The following ITPR1 variants were observed in gnomAD, a reference collection of about 807,000 sequenced individuals.
The protein encoded by ITPR1 is inositol 1,4,5-trisphosphate receptor type 1.
ITPR1 carries 96 observed loss-of-function variants against 318.4 expected under a neutral mutation model. That is an observed-to-expected ratio of 0.30 (90% CI 0.26 to 0.36). The LOEUF is 0.36. ITPR1 is among the 10% of genes least tolerant of loss of function. The probability of loss-of-function intolerance (pLI) is 1.00; values close to 1 mark genes in which losing one functional copy is unlikely to be tolerated. For missense variants in ITPR1, 2,440 were observed against 3,460.2 expected (o/e 0.71, Z 7.40); for synonymous variants, 1,312 against 1,289.9 (o/e 1.02, Z -0.37).
chr3:4,551,525 A>G (rs560963623), intron 4 of ITPR1, among the ~76,000 whole-genome samples: 6 of 152,178 alleles, frequency 3.9e-5, no homozygotes, highest in Non-Finnish European at 8.8e-5. Flanking sequence ...TCCATGTTTT[A>G]ATTATAAAGG....
intron 4 of ITPR1, among the ~76,000 whole-genome samples, chr3:4,623,289 C>T (rs1355131632): frequency 1.3e-5 from 2 of 152,330 alleles, no homozygotes; most frequent in South Asian, 2.1e-4. Flanking sequence ...GCCCACCCAG[C>T]CCCTTAACGC....
chr3:4,606,551 G>A (rs9816389), intron 4 of ITPR1, among the ~76,000 whole-genome samples: 49,687 of 151,704 alleles, frequency 0.33, 8,331 homozygotes, highest in Admixed American at 0.4. Flanking sequence ...ACTTTGGTAT[G>A]TAAAGGGCAA....
At chr3:4,700,089 A>T (rs1172222355) in intron 35 of ITPR1, 148 bp downstream of exon 35, 1 of 672,434 alleles carries the variant, frequency 1.5e-6, no homozygotes, top group Non-Finnish European at 2.4e-6. Context: ...GATAGCTTTG[A>T]TGGGATTTCT....
intron 52 of ITPR1, among the ~76,000 whole-genome samples, chr3:4,792,280 G>C (rs188033790): frequency 6.6e-6 from 1 of 152,340 alleles, no homozygotes; most frequent in African/African-American, 2.4e-5. Flanking sequence ...AGGTTAGGTA[G>C]CACATTCACA....
rs976761033 is a variant in ITPR1 at position 4,522,421 on chromosome 3, C to T, written c.163+1327C>T. Among the ~76,000 whole-genome samples the T allele has an allele frequency of 3.9e-5, 6 of 152,150 alleles. No homozygotes were observed. In the East Asian group the frequency reaches 5.8e-4, roughly 15 times the overall value. ...AAATTAGAATAAAATAGAACTCAGA[C>T]GTTCAGATGGAGAAAAGCCATTTGG... On this transcript the variant is annotated intron_variant, in intron 4 of 61. Transcript: ENST00000649015.
intron 4 of ITPR1, among the ~76,000 whole-genome samples, chr3:4,620,510 T>C (rs1175072908): frequency 6.6e-6 from 1 of 152,100 alleles, no homozygotes; most frequent in African/African-American, 2.4e-5. Flanking sequence ...GCAGTGCTAA[T>C]TGCGTGTTTT....
intron 4 of ITPR1, among the ~76,000 whole-genome samples, chr3:4,590,092 C>T (rs1256983962): frequency 1.3e-5 from 2 of 152,100 alleles, no homozygotes; most frequent in African/African-American, 4.8e-5. Flanking sequence ...TGCCACCACC[C>T]CTGAGAGACC....
chr3:4,844,855 A>G (rs1227762628), intron 61 of ITPR1, among the ~76,000 whole-genome samples: 2 of 152,230 alleles, frequency 1.3e-5, no homozygotes, highest in Admixed American at 1.3e-4. Context: ...TAAAAATAGT[A>G]TTTTGATTTG....
At chr3:4,814,332 G>GT in intron 57 of ITPR1, 91 bp from the exon 58 acceptor site, 4 of 1,310,170 alleles carry the variant, frequency 3.1e-6, no homozygotes, top group Non-Finnish European at 4.4e-6. Context: ...CGTGTGCCTG[G>GT]TGAGATGGCA....
At chr3:4,655,004 A>C (rs1202065362) in intron 12 of ITPR1, among the ~76,000 whole-genome samples, 3 of 152,100 alleles carry the variant, frequency 2.0e-5, no homozygotes, top group Non-Finnish European at 4.4e-5. Context: ...CCATTTTGAA[A>C]GCTTTGCTTC....
intron 53 of ITPR1, among the ~76,000 whole-genome samples, chr3:4,799,631 A>C (rs3805019): frequency 6.6e-6 from 1 of 152,344 alleles, no homozygotes; most frequent in East Asian, 1.9e-4. Flanking sequence ...CAGCATTTGA[A>C]ATAGGGGTGT....
At chr3:4,565,854 T>C (rs1325223580) in intron 4 of ITPR1, among the ~76,000 whole-genome samples, 1 of 152,244 alleles carries the variant, frequency 6.6e-6, no homozygotes, top group East Asian at 1.9e-4. Context: ...AAAGCGATTT[T>C]CATGTTCCAC....
chr3:4,804,133 A>C (rs986012610), intron 54 of ITPR1, among the ~76,000 whole-genome samples: 1 of 152,196 alleles, frequency 6.6e-6, no homozygotes, highest in Non-Finnish European at 1.5e-5. Flanking sequence ...CGGCCTCCCA[A>C]AGTGCTGGGA....
intron 44 of ITPR1, among the ~76,000 whole-genome samples, chr3:4,747,018 T>C (rs988943417): frequency 6.6e-6 from 1 of 152,188 alleles, no homozygotes; most frequent in Admixed American, 6.5e-5. Flanking sequence ...CATGAGGATG[T>C]GAAATGTGAA....
intron 5 of ITPR1, among the ~76,000 whole-genome samples, chr3:4,638,809 A>T (rs2093267173): frequency 1.3e-5 from 2 of 152,000 alleles, no homozygotes; most frequent in South Asian, 4.1e-4. Context: ...TTACATTATG[A>T]TTAATGTCTA....
intron 2 of ITPR1, 97 bp from the exon 3 acceptor site, chr3:4,516,379 G>T: frequency 1.6e-6 from 1 of 623,022 alleles, no homozygotes. Flanking sequence ...TAAGTAAGGC[G>T]CTTTGGAAAA....
At chr3:4,712,143 T>A (rs1291395756) in intron 39 of ITPR1, among the ~76,000 whole-genome samples, 3 of 152,218 alleles carry the variant, frequency 2.0e-5, no homozygotes, top group African/African-American at 4.8e-5. Flanking sequence ...AGATTTTCCA[T>A]CTATTTAAAT....
At position 4,719,422 on chromosome 3, in the gene ITPR1, C is replaced by G. The variant is rs150544378; in HGVS notation, c.5136+2023C>G. ...ACCACAGCTCCTGTGGTTTCTCCCC[C>G]ACCAAGTCGTTTGCCGGTGTGTACT... is the stretch of plus-strand genomic sequence containing the variant. On this transcript the variant is annotated intron_variant, in intron 40 of 61. Coordinates refer to ENST00000649015, the MANE Select transcript of ITPR1 (RefSeq NM_001378452.1). Among the ~76,000 whole-genome samples the G allele has an allele frequency of 1.7e-3, 258 of 152,324 alleles. 2 individuals are homozygous for G. Among genetic ancestry groups the G allele is most frequent in the Non-Finnish European group, 3.2e-3 (221 of 68,038 alleles).
intron 51 of ITPR1, among the ~76,000 whole-genome samples, chr3:4,785,477 G>A (rs2839768): frequency 0.52 from 78,760 of 152,142 alleles, 21,021 homozygotes; most frequent in East Asian, 0.89. Flanking sequence ...TTTCAAGAAT[G>A]TGTTCTGACC....
Sources: gnomAD v4.1 joint callset for allele counts (sites outside exome capture counted in the v4.1 genomes callset) on GRCh38, gnomAD v4.1.1 for gene constraint, MANE v1.5 for transcripts, NCBI Gene and HGNC (gene_info 2026-07-23, HGNC 2026-07-21) for gene names.